Variants in KDM4C observed in about 807,000 individuals in gnomAD.
KDM4C encodes the protein lysine demethylase 4C, also known as lysine-specific demethylase 4C.
A neutral mutation model predicts 129.3 loss-of-function variants in KDM4C; 81 were observed. The ratio of observed to expected loss-of-function variants is 0.63; its 90% CI spans 0.52 to 0.75. The LOEUF (loss-of-function observed/expected upper bound fraction) is 0.75. KDM4C is among the 30% of genes least tolerant of loss of function. The pLI is 0.00. For synonymous variants in KDM4C, 573 were observed against 456.1 expected, an observed-to-expected ratio of 1.26 and a Z score of -3.26; for missense variants, 1,457 against 1,304.0, an observed-to-expected ratio of 1.12 and a Z score of -1.81.
intron 2 of KDM4C, among the ~76,000 whole-genome samples, chr9:6,799,049 C>A (rs1588343233): frequency 6.6e-6 from 1 of 150,538 alleles, no homozygotes; most frequent in Non-Finnish European, 1.5e-5. Context: ...GGTGGGATGG[C>A]GGCCGGGCAG....
chr9:6,990,547 G>T, intron 12 of KDM4C, 23 bp downstream of exon 12: 3 of 1,254,186 alleles, frequency 2.4e-6, no homozygotes, highest in Non-Finnish European at 2.1e-6. Flanking sequence ...CCCTTTTTGG[G>T]ATTTTTTTTT....
chr9:7,019,728 T>TATTATAAAATAATATAATATAAAA (rs1563993077), intron 15 of KDM4C, among the ~76,000 whole-genome samples: 108 of 114,480 alleles, frequency 9.4e-4, no homozygotes, highest in Non-Finnish European at 1.6e-3. Context: ...TATAATATTT[T>TATTATAAAATAATATAATATAAAA]TATATATAAA....
At chr9:6,830,534 C>G (rs961568187) in intron 4 of KDM4C, among the ~76,000 whole-genome samples, 3 of 152,180 alleles carry the variant, frequency 2.0e-5, no homozygotes, top group South Asian at 4.1e-4. Flanking sequence ...AAAGATGTCA[C>G]TAAAATGATA....
At chr9:7,024,391 G>C (rs1825428063) in intron 15 of KDM4C, among the ~76,000 whole-genome samples, 1 of 144,652 alleles carries the variant, frequency 6.9e-6, no homozygotes, top group African/African-American at 2.6e-5. Flanking sequence ...TGTGAGGTTT[G>C]TTACATATGT....
chr9:6,830,290 C>G (rs1044729413), intron 4 of KDM4C, among the ~76,000 whole-genome samples: 5 of 152,172 alleles, frequency 3.3e-5, no homozygotes, highest in Admixed American at 6.5e-5. Context: ...TCCAGTATTG[C>G]TTACAATCTC....
chr9:6,859,013 A>G (rs1048633028), intron 5 of KDM4C, among the ~76,000 whole-genome samples: 15 of 152,178 alleles, frequency 9.9e-5, no homozygotes, highest in Admixed American at 2.0e-4. Context: ...AGGATTACAA[A>G]TAGATTTATA....
At chr9:6,898,090 G>A (rs982374486) in intron 8 of KDM4C, among the ~76,000 whole-genome samples, 1 of 152,216 alleles carries the variant, frequency 6.6e-6, no homozygotes, top group African/African-American at 2.4e-5. Flanking sequence ...ATGAAGTGCA[G>A]TTGTTTGATG....
chr9:7,065,933 C>T (rs1025205991), intron 17 of KDM4C, among the ~76,000 whole-genome samples: 2 of 150,500 alleles, frequency 1.3e-5, no homozygotes, highest in African/African-American at 4.9e-5. Context: ...CTAGCTTTCA[C>T]GATGTCACAG....
At chr9:7,154,280 G>A (rs1842959823) in intron 19 of KDM4C, among the ~76,000 whole-genome samples, 1 of 152,212 alleles carries the variant, frequency 6.6e-6, no homozygotes, top group African/African-American at 2.4e-5. Context: ...CTCTGGAAAC[G>A]ATAGCAGCTG....
chr9:6,807,193 A>C (rs1830152871), intron 3 of KDM4C, among the ~76,000 whole-genome samples: 7 of 152,234 alleles, frequency 4.6e-5, no homozygotes, highest in Admixed American at 3.9e-4. Flanking sequence ...CTCAGTGCTC[A>C]ATGGTGCCCA....
At chr9:7,087,648 C>G (rs967436889) in intron 17 of KDM4C, among the ~76,000 whole-genome samples, 1 of 151,980 alleles carries the variant, frequency 6.6e-6, no homozygotes, top group Non-Finnish European at 1.5e-5. Context: ...AGTTAAAATT[C>G]TGGAGGGAAA....
In KDM4C at chr9:6,805,585, T is replaced by C. The variant is rs549386301; in HGVS notation, c.145-14T>C. ...TTTTCAAGATGATATTTTATTTCAT[T>C]ATTTTATTTTTAGGTGATTCCTCCT... On this transcript the variant is annotated splice_polypyrimidine_tract_variant and intron_variant, in intron 2 of 21. Coordinates refer to ENST00000381309, the MANE Select transcript of KDM4C (RefSeq NM_015061.6). 1.4e-5 allele frequency: 22 copies of C among 1,573,268 alleles called. 1 individual carries two copies. The highest frequency in any genetic ancestry group is 1.7e-4 in the Middle Eastern group (1 of 5,924).
intron 19 of KDM4C, among the ~76,000 whole-genome samples, chr9:7,149,578 T>A (rs1301916550): frequency 6.6e-6 from 1 of 152,234 alleles, no homozygotes. Flanking sequence ...ATCCTCACAG[T>A]GGCTGCTTCA....
chr9:6,789,014 A>G (rs1002243525), intron 1 of KDM4C, among the ~76,000 whole-genome samples: 4 of 151,510 alleles, frequency 2.6e-5, no homozygotes, highest in African/African-American at 9.7e-5. Flanking sequence ...ACGAGGCCAT[A>G]GTAGTTAGGT....
At chr9:7,027,940 A>C (rs546384030) in intron 15 of KDM4C, among the ~76,000 whole-genome samples, 49 of 152,294 alleles carry the variant, frequency 3.2e-4, no homozygotes, top group African/African-American at 1.1e-3. Flanking sequence ...AGGGCTCTTA[A>C]GTCAGTTTGT....
intron 15 of KDM4C, among the ~76,000 whole-genome samples, chr9:7,044,218 G>A (rs553470879): frequency 1.3e-5 from 2 of 152,074 alleles, no homozygotes; most frequent in South Asian, 4.2e-4. Context: ...CATTTAGGTT[G>A]AGATTTCAAG....
chr9:6,827,213 T>C (rs1415352881), intron 4 of KDM4C, among the ~76,000 whole-genome samples: 1 of 152,244 alleles, frequency 6.6e-6, no homozygotes, highest in Admixed American at 6.5e-5. Context: ...TAGCTGTGAC[T>C]TTCAGGAAAG....
intron 4 of KDM4C, among the ~76,000 whole-genome samples, chr9:6,816,768 TC>T (rs1832178230): frequency 6.6e-6 from 1 of 152,132 alleles, no homozygotes; most frequent in South Asian, 2.1e-4. Context: ...TATGATTTTT[TC>T]CCCTTATGTT....
chr9:6,798,881 C>G (rs1446298279), intron 2 of KDM4C, among the ~76,000 whole-genome samples: 2 of 151,930 alleles, frequency 1.3e-5, no homozygotes, highest in African/African-American at 2.4e-5. Flanking sequence ...CCTCACTTCT[C>G]AGACGGGGCG....
Sources: allele counts gnomAD v4.1 joint callset (sites outside exome capture counted in the v4.1 genomes callset), GRCh38; gene constraint gnomAD v4.1.1; transcripts MANE v1.5; gene names NCBI Gene and HGNC (gene_info 2026-07-23, HGNC 2026-07-21).